Variants in PTPRG observed in about 807,000 individuals in gnomAD.
PTPRG encodes protein tyrosine phosphatase receptor type G, also known as receptor-type tyrosine-protein phosphatase gamma.
A neutral mutation model predicts 165.3 loss-of-function variants in PTPRG; 102 were observed. The ratio of observed to expected loss-of-function variants is 0.62; its 90% CI spans 0.53 to 0.73. The LOEUF (loss-of-function observed/expected upper bound fraction) is 0.73. Ranked by LOEUF, PTPRG falls within the 30% of genes least tolerant of loss-of-function variation. The probability of loss-of-function intolerance (pLI) is 0.00; values close to 1 mark genes in which losing one functional copy is unlikely to be tolerated. For missense variants in PTPRG, 1,866 were observed against 1,861.4 expected, an observed-to-expected ratio of 1.00 and a Z score of -0.05; for synonymous variants, 675 against 669.5, an observed-to-expected ratio of 1.01 and a Z score of -0.13.
chr3:62,095,742 T>C (rs1475539663), intron 5 of PTPRG, among the ~76,000 whole-genome samples: 5 of 151,996 alleles, frequency 3.3e-5, no homozygotes, highest in African/African-American at 9.7e-5. Flanking sequence ...GTGATGAGGG[T>C]CAGGTCCAGG....
chr3:61,577,940 C>CAA (rs1299229624), intron 1 of PTPRG, among the ~76,000 whole-genome samples: 1 of 152,186 alleles, frequency 6.6e-6, no homozygotes, highest in Non-Finnish European at 1.5e-5. Context: ...TGCCTGTTTA[C>CAA]CCATCTGTGA....
At chr3:61,601,731 G>A (rs1700874081) in intron 1 of PTPRG, among the ~76,000 whole-genome samples, 1 of 152,128 alleles carries the variant, frequency 6.6e-6, no homozygotes, top group African/African-American at 2.4e-5. Context: ...TTTAGTGGGG[G>A]GAAACAGACT....
At chr3:61,622,415 T>C (rs529964809) in intron 1 of PTPRG, among the ~76,000 whole-genome samples, 20 of 152,310 alleles carry the variant, frequency 1.3e-4, no homozygotes, top group African/African-American at 4.6e-4. Context: ...AGTTTTCCGT[T>C]GTCAGTCACT....
At chr3:62,034,006 T>G (rs1355388914) in intron 4 of PTPRG, among the ~76,000 whole-genome samples, 3 of 152,002 alleles carry the variant, frequency 2.0e-5, no homozygotes, top group African/African-American at 4.8e-5. Flanking sequence ...CCTCAGATAA[T>G]CCTCCTGCCT....
intron 2 of PTPRG, among the ~76,000 whole-genome samples, chr3:61,874,565 A>G (rs62243206): frequency 0.11 from 17,229 of 151,892 alleles, 1,615 homozygotes; most frequent in East Asian, 0.5. Flanking sequence ...TTAAATTCGT[A>G]GAAATTGATC....
intron 8 of PTPRG, among the ~76,000 whole-genome samples, chr3:62,187,626 G>A (rs547034987): frequency 1.1e-3 from 160 of 152,270 alleles, no homozygotes; most frequent in African/African-American, 3.8e-3. Context: ...CTGCAAAGCC[G>A]AAAATATTTA....
chr3:61,836,802 T>C (rs1402161772), intron 2 of PTPRG, among the ~76,000 whole-genome samples: 2 of 152,094 alleles, frequency 1.3e-5, no homozygotes, highest in Non-Finnish European at 2.9e-5. Flanking sequence ...TGGAGTGCAA[T>C]GGCACAATCT....
rs578043616 is a variant in PTPRG at position 62,207,457 on chromosome 3, T to G, written c.2155+3507T>G. On this transcript the variant is annotated intron_variant, in intron 12 of 29. Transcript: ENST00000474889. Reference sequence around the variant, plus strand: ...CATTCACCCTGTCCTTTGCCCTGTCTGCCTCCTCCAGTATGGTATTTATTT... The same window carrying G: ...CATTCACCCTGTCCTTTGCCCTGTCGGCCTCCTCCAGTATGGTATTTATTT... Among the ~76,000 whole-genome samples, 273 of 152,356 alleles carry G rather than the reference T, an allele frequency of 1.8e-3. 1 individual carries two copies. Among genetic ancestry groups the G allele is most frequent in the African/African-American group, 6.3e-3 (260 of 41,580 alleles).
chr3:62,095,675 G>T (rs925112262), intron 5 of PTPRG, among the ~76,000 whole-genome samples: 1 of 152,184 alleles, frequency 6.6e-6, no homozygotes, highest in African/African-American at 2.4e-5. Context: ...ATGGACATAT[G>T]ATTCAACATG....
intron 1 of PTPRG, among the ~76,000 whole-genome samples, chr3:61,719,485 C>T (rs1280458102): frequency 1.3e-5 from 2 of 152,158 alleles, no homozygotes; most frequent in Non-Finnish European, 2.9e-5. Context: ...CGGGTCTCCC[C>T]ACTGCCAGTT....
intron 2 of PTPRG, among the ~76,000 whole-genome samples, chr3:61,789,053 C>T (rs1475447062): frequency 2.0e-5 from 3 of 152,000 alleles, no homozygotes; most frequent in Admixed American, 6.6e-5. Context: ...CATTACTGAG[C>T]GCTGGTATGT....
intron 4 of PTPRG, among the ~76,000 whole-genome samples, chr3:62,067,354 G>A (rs1050745257): frequency 6.6e-6 from 1 of 151,802 alleles, no homozygotes; most frequent in East Asian, 1.9e-4. Context: ...GGGTGTTTAG[G>A]AGCACCCCTG....
intron 4 of PTPRG, among the ~76,000 whole-genome samples, chr3:62,039,316 T>C (rs868767615): frequency 2.6e-5 from 4 of 151,816 alleles, no homozygotes; most frequent in African/African-American, 9.7e-5. Flanking sequence ...TTCTAACACG[T>C]ATATACAACT....
At chr3:61,821,583 A>G (rs1432407839) in intron 2 of PTPRG, among the ~76,000 whole-genome samples, 1 of 152,210 alleles carries the variant, frequency 6.6e-6, no homozygotes, top group Non-Finnish European at 1.5e-5. Flanking sequence ...GGCTTAAATG[A>G]TAAGTAATGT....
intron 1 of PTPRG, among the ~76,000 whole-genome samples, chr3:61,580,793 T>G (rs1287270008): frequency 1.3e-5 from 2 of 152,238 alleles, no homozygotes; most frequent in African/African-American, 4.8e-5. Context: ...TATTTTCTTT[T>G]GGCTGCAGAA....
chr3:61,790,045 A>G (rs1234673125), intron 2 of PTPRG, among the ~76,000 whole-genome samples: 1 of 152,044 alleles, frequency 6.6e-6, no homozygotes, highest in Non-Finnish European at 1.5e-5. Flanking sequence ...TGCTTATTCC[A>G]GTGGGTGGTT....
At chr3:62,016,644 C>T (rs1319014451) in intron 4 of PTPRG, among the ~76,000 whole-genome samples, 1 of 152,220 alleles carries the variant, frequency 6.6e-6, no homozygotes, top group Admixed American at 6.5e-5. Context: ...ACAATCCACT[C>T]TTTATCCAGT....
intron 1 of PTPRG, among the ~76,000 whole-genome samples, chr3:61,589,901 T>A (rs1700525275): frequency 6.6e-6 from 1 of 152,142 alleles, no homozygotes; most frequent in Non-Finnish European, 1.5e-5. Context: ...ACTAGATTTA[T>A]AGAAAACAGC....
rs1002801753 is a variant in PTPRG, at chr3:62,281,487, A to T, written c.3766-76A>T. On this transcript the variant is annotated intron_variant, in intron 26 of 29. Transcript: ENST00000474889. ...TGGCTTGAGAGGGATGGGAAATGAC[A>T]AAATCCGTATGCAAGAAATAGAAAA... 178 of 1,360,400 alleles carry T rather than the reference A, an allele frequency of 1.3e-4. 1 individual carries two copies. Among genetic ancestry groups the T allele is most frequent in the Non-Finnish European group, 3.8e-5 (39 of 1,014,036 alleles). 84.3% of individuals were successfully genotyped at this position (1,360,400 alleles called of 1,614,324 possible).
Sources: allele counts gnomAD v4.1 joint callset (sites outside exome capture counted in the v4.1 genomes callset), GRCh38; gene constraint gnomAD v4.1.1; transcripts MANE v1.5; gene names NCBI Gene and HGNC (gene_info 2026-07-23, HGNC 2026-07-21).